Variants in GLRA3 observed in about 807,000 individuals in gnomAD.
GLRA3 encodes glycine receptor subunit alpha-3.
A neutral mutation model predicts 60.4 loss-of-function variants in GLRA3; 44 were observed. That is an observed-to-expected ratio of 0.73 (90% CI 0.57 to 0.94). The LOEUF (loss-of-function observed/expected upper bound fraction) is 0.94, where lower values mean the gene tolerates loss of function less well. Ranked by LOEUF, GLRA3 falls within the 40% of genes least tolerant of loss-of-function variation. The probability of loss-of-function intolerance (pLI) is 0.00; values close to 1 mark genes in which losing one functional copy is unlikely to be tolerated. For missense variants in GLRA3, 508 were observed against 564.6 expected (o/e 0.90, Z 1.02); for synonymous variants, 223 against 192.9 (o/e 1.16, Z -1.29).
At chr4:174,691,921 G>C (rs927403267) in intron 5 of GLRA3, among the ~76,000 whole-genome samples, 1 of 151,208 alleles carries the variant, frequency 6.6e-6, no homozygotes. Context: ...TTCTCTGCCC[G>C]GCCGCCATCC....
chr4:174,752,809 T>C (rs1737541175), intron 3 of GLRA3, among the ~76,000 whole-genome samples: 1 of 152,162 alleles, frequency 6.6e-6, no homozygotes, highest in Admixed American at 6.5e-5. Context: ...TTTTGTTAAT[T>C]ATACCTCTTA....
At chr4:174,720,788 C>T (rs1297342097) in intron 4 of GLRA3, among the ~76,000 whole-genome samples, 1 of 152,100 alleles carries the variant, frequency 6.6e-6, no homozygotes, top group Admixed American at 6.6e-5. Context: ...AGTATCATAT[C>T]AGGGAAACAA....
chr4:174,697,829 G>C (rs1389434345), intron 5 of GLRA3, among the ~76,000 whole-genome samples: 1 of 152,162 alleles, frequency 6.6e-6, no homozygotes, highest in Non-Finnish European at 1.5e-5. Context: ...AAAGTTTAAA[G>C]TTTTTGTGAG....
intron 7 of GLRA3, among the ~76,000 whole-genome samples, chr4:174,666,888 C>T (rs1428294998): frequency 6.6e-6 from 1 of 151,464 alleles, no homozygotes; most frequent in Non-Finnish European, 1.5e-5. Context: ...CATGAGATTT[C>T]TCCGTATCTA....
chr4:174,791,385 A>G (rs2111312409), intron 1 of GLRA3, among the ~76,000 whole-genome samples: 1 of 152,246 alleles, frequency 6.6e-6, no homozygotes, highest in South Asian at 2.1e-4. Flanking sequence ...GACCCAGTGA[A>G]CTGATTCCAG....
At chr4:174,651,402 C>A (rs553000816) in intron 9 of GLRA3, among the ~76,000 whole-genome samples, 1 of 152,186 alleles carries the variant, frequency 6.6e-6, no homozygotes, top group South Asian at 2.1e-4. Context: ...CCTATCAGTT[C>A]TTTTAGGGTG....
intron 1 of GLRA3, among the ~76,000 whole-genome samples, chr4:174,807,146 A>G (rs1281407080): frequency 6.6e-6 from 1 of 152,066 alleles, no homozygotes; most frequent in Non-Finnish European, 1.5e-5. Context: ...GAAGATACAG[A>G]GAACAACTAC....
intron 3 of GLRA3, among the ~76,000 whole-genome samples, chr4:174,746,528 G>C (rs1349378776): frequency 6.6e-6 from 1 of 152,088 alleles, no homozygotes; most frequent in Non-Finnish European, 1.5e-5. Context: ...GATTAAGAGA[G>C]GTTGGTTATG....
intron 5 of GLRA3, among the ~76,000 whole-genome samples, chr4:174,690,745 T>C (rs1052761144): frequency 8.5e-5 from 13 of 152,192 alleles, no homozygotes; most frequent in Non-Finnish European, 1.3e-4. Context: ...CACTTATAAG[T>C]GAGAACATGA....
intron 7 of GLRA3, 112 bp downstream of exon 7, chr4:174,676,966 G>C: frequency 1.5e-6 from 1 of 654,434 alleles, no homozygotes; most frequent in South Asian, 2.0e-5. Flanking sequence ...TTAAAAACCA[G>C]TAATGCCATT....
At chr4:174,658,993 A>G in intron 8 of GLRA3, 61 bp downstream of exon 8, 1 of 1,427,708 alleles carries the variant, frequency 7.0e-7, no homozygotes, top group Non-Finnish European at 9.8e-7. Context: ...TATTAAATAC[A>G]ACAAATTCAC....
intron 1 of GLRA3, among the ~76,000 whole-genome samples, chr4:174,794,882 A>G (rs1380712835): frequency 6.6e-6 from 1 of 152,092 alleles, no homozygotes; most frequent in African/African-American, 2.4e-5. Flanking sequence ...GGGTGGGAAT[A>G]TATAAAAATC....
intron 5 of GLRA3, among the ~76,000 whole-genome samples, chr4:174,708,685 A>G (rs529237296): frequency 3.8e-4 from 57 of 150,802 alleles, no homozygotes; most frequent in African/African-American, 1.4e-3. Flanking sequence ...TGAACTACAG[A>G]ATTAGACCCT....
chr4:174,800,656 C>T (rs1368769832), intron 1 of GLRA3, among the ~76,000 whole-genome samples: 1 of 152,014 alleles, frequency 6.6e-6, no homozygotes, highest in Non-Finnish European at 1.5e-5. Context: ...GCCACCTGCC[C>T]CTTTCTCTTA....
chr4:174,741,931 A>G (rs1170348581), intron 3 of GLRA3, among the ~76,000 whole-genome samples: 1 of 152,150 alleles, frequency 6.6e-6, no homozygotes, highest in African/African-American at 2.4e-5. Flanking sequence ...TTCACACCTG[A>G]GTTTTGCTCA....
chr4:174,699,825 T>C (rs1735230390), intron 5 of GLRA3, among the ~76,000 whole-genome samples: 1 of 150,356 alleles, frequency 6.7e-6, no homozygotes, highest in Non-Finnish European at 1.5e-5. Flanking sequence ...ATTAATAATT[T>C]ATTTGTTAAT....
chr4:174,715,600 A>C, intron 4 of GLRA3, 30 bp from the exon 5 acceptor site: 1 of 1,009,344 alleles, frequency 9.9e-7, no homozygotes, highest in Non-Finnish European at 1.6e-6. Flanking sequence ...TTTTTAAAGG[A>C]AATTTATGAC....
chr4:174,794,941 T>G (rs1165539133), intron 1 of GLRA3, among the ~76,000 whole-genome samples: 2 of 152,004 alleles, frequency 1.3e-5, no homozygotes, highest in African/African-American at 4.8e-5. Context: ...ATTCATTTAT[T>G]TATTTAACAG....
chr4:174,777,738 T>C (rs893546339), intron 2 of GLRA3, among the ~76,000 whole-genome samples: 2 of 152,144 alleles, frequency 1.3e-5, no homozygotes, highest in Non-Finnish European at 2.9e-5. Flanking sequence ...TCTTGGTTCA[T>C]CAATAATAAT....
Sources: allele counts gnomAD v4.1 joint callset (sites outside exome capture counted in the v4.1 genomes callset), GRCh38; gene constraint gnomAD v4.1.1; transcripts MANE v1.5; gene names NCBI Gene and HGNC (gene_info 2026-07-23, HGNC 2026-07-21).